The following CDK8 variants were observed in gnomAD, a reference collection of about 807,000 sequenced individuals.
CDK8 encodes cyclin dependent kinase 8, also known as cyclin-dependent kinase 8.
Under a neutral mutation model 71.5 loss-of-function variants are expected in CDK8, and 29 were observed. The ratio of observed to expected loss-of-function variants is 0.41; its 90% confidence interval spans 0.30 to 0.55. CDK8 has a LOEUF of 0.55. Among genes scored for constraint, CDK8 ranks in the 20% least tolerant of loss-of-function variants. The pLI is 0.37. For missense variants in CDK8, 288 were observed against 572.6 expected (o/e 0.50, Z 5.07); for synonymous variants, 161 against 192.1 (o/e 0.84, Z 1.34).
At chr13:26,353,589 AGTT>A in intron 3 of CDK8, 148 bp from the exon 4 acceptor site, 1 of 607,256 alleles carries the variant, frequency 1.6e-6, no homozygotes, top group South Asian at 2.4e-5. Context: ...GGAATTTTAA[AGTT>A]GTTTATGTTA....
At chr13:26,295,653 A>G (rs1207995098) in intron 1 of CDK8, among the ~76,000 whole-genome samples, 2 of 152,210 alleles carry the variant, frequency 1.3e-5, no homozygotes, top group Non-Finnish European at 2.9e-5. Flanking sequence ...CAACTAGACT[A>G]TTTAAAACTT....
chr13:26,368,207 C>T (rs1240739775), intron 4 of CDK8, among the ~76,000 whole-genome samples: 1 of 152,182 alleles, frequency 6.6e-6, no homozygotes, highest in Non-Finnish European at 1.5e-5. Flanking sequence ...TCTTGCTGCT[C>T]ACCGTTTCTG....
chr13:26,283,176 A>ATTTGTT (rs1872838185), intron 1 of CDK8, among the ~76,000 whole-genome samples: 2 of 152,264 alleles, frequency 1.3e-5, no homozygotes, highest in Admixed American at 6.5e-5. Context: ...ATGGACTTAA[A>ATTTGTT]CTATACCATA....
chr13:26,392,723 C>G (rs1875807711), intron 6 of CDK8, among the ~76,000 whole-genome samples: 1 of 152,046 alleles, frequency 6.6e-6, no homozygotes, highest in African/African-American at 2.4e-5. Context: ...CTTATGGCAT[C>G]AAGAACCACT....
intron 1 of CDK8, among the ~76,000 whole-genome samples, chr13:26,269,546 TTG>T (rs202204035): frequency 2.0e-5 from 3 of 149,918 alleles, no homozygotes; most frequent in Admixed American, 6.7e-5. Context: ...TCTCTTTAGA[TTG>T]TTTTTTTTTT....
chr13:26,325,164 C>T (rs1874962497), intron 1 of CDK8, among the ~76,000 whole-genome samples: 2 of 152,168 alleles, frequency 1.3e-5, no homozygotes, highest in Admixed American at 6.5e-5. Context: ...CAGTGCCAAG[C>T]ACAGGAACTT....
chr13:26,302,352 C>T (rs750541847), intron 1 of CDK8, among the ~76,000 whole-genome samples: 7 of 152,138 alleles, frequency 4.6e-5, no homozygotes, highest in Non-Finnish European at 8.8e-5. Flanking sequence ...AAGGGTCTTC[C>T]CAATTTTTTT....
chr13:26,300,329 C>T (rs190547837), intron 1 of CDK8, among the ~76,000 whole-genome samples: 3 of 152,068 alleles, frequency 2.0e-5, no homozygotes, highest in Non-Finnish European at 2.9e-5. Context: ...GAGTATGCAG[C>T]GTGGGTGGGC....
intron 1 of CDK8, among the ~76,000 whole-genome samples, chr13:26,304,831 T>C (rs1873972444): frequency 6.6e-6 from 1 of 151,726 alleles, no homozygotes; most frequent in Admixed American, 6.6e-5. Context: ...TTTTAAAATT[T>C]TAAATTATTA....
At chr13:26,335,687 T>A (rs1219354667) in intron 1 of CDK8, among the ~76,000 whole-genome samples, 4 of 152,142 alleles carry the variant, frequency 2.6e-5, no homozygotes, top group Non-Finnish European at 5.9e-5. Context: ...TGTCTTTAAC[T>A]TCTTCTTCCT....
At chr13:26,384,592 A>AT in intron 5 of CDK8, among the ~76,000 whole-genome samples, 1 of 152,340 alleles carries the variant, frequency 6.6e-6, no homozygotes, top group Non-Finnish European at 1.5e-5. Flanking sequence ...GCTCTGAGGT[A>AT]TGAGTATGTA....
At chr13:26,280,268 C>T (rs149039199) in intron 1 of CDK8, among the ~76,000 whole-genome samples, 1 of 152,306 alleles carries the variant, frequency 6.6e-6, no homozygotes, top group African/African-American at 2.4e-5. Flanking sequence ...TAAACCTATA[C>T]TGTAACTGAA....
chr13:26,385,629 C>T (rs976016049), intron 6 of CDK8, among the ~76,000 whole-genome samples: 1 of 151,964 alleles, frequency 6.6e-6, no homozygotes, highest in Non-Finnish European at 1.5e-5. Context: ...CCCAGCTACT[C>T]GGGAGGCTGA....
At chr13:26,293,329 A>T (rs793111) in intron 1 of CDK8, among the ~76,000 whole-genome samples, 126,239 of 152,112 alleles carry the variant, frequency 0.83, 54,046 homozygotes, top group East Asian at 0.99. Flanking sequence ...TTGGCTGGGC[A>T]TGGTGGCTCA....
At chr13:26,324,664 C>G (rs1310634577) in intron 1 of CDK8, 1 of 166,274 alleles carries the variant, frequency 6.0e-6, no homozygotes, top group Non-Finnish European at 1.2e-5. Context: ...TTAGGGTTGC[C>G]CATATCTTCT....
rs2138074822 is a variant in CDK8, at chr13:26,401,219, G to T, written c.1032-50G>T. ...TGAGAATCTCCTAAATGAAGCATTT[G>T]GAATATTGATTAGTATACCAGAAAT... On this transcript the variant is annotated intron_variant, in intron 10 of 12. Transcript: ENST00000381527. This position sits in a 1 kb window ranked among gnomAD's most constrained non-coding sequence, Gnocchi z 4.5. 7.5e-7 allele frequency: 1 copy of T among 1,331,610 alleles called. No individual in the cohort carries two copies. Among genetic ancestry groups the T allele is most frequent in the African/African-American group, 1.5e-5 (1 of 68,396 alleles). 82.5% of individuals were successfully genotyped at this position (1,331,610 alleles called of 1,614,324 possible).
At chr13:26,331,497 G>C (rs1278535927) in intron 1 of CDK8, among the ~76,000 whole-genome samples, 5 of 152,068 alleles carry the variant, frequency 3.3e-5, no homozygotes, top group Non-Finnish European at 7.4e-5. Context: ...TGAGGTCTTA[G>C]TTATAAATTC....
At chr13:26,287,212 T>A (rs1355698853) in intron 1 of CDK8, among the ~76,000 whole-genome samples, 1 of 152,168 alleles carries the variant, frequency 6.6e-6, no homozygotes, top group Non-Finnish European at 1.5e-5. Context: ...GCAGCACACT[T>A]CACAGTTGCA....
chr13:26,313,323 G>T (rs1267568543), intron 1 of CDK8, among the ~76,000 whole-genome samples: 1 of 152,028 alleles, frequency 6.6e-6, no homozygotes, highest in Non-Finnish European at 1.5e-5. Context: ...CAAGAAGGGT[G>T]GCAAAAACGA....
Sources: gnomAD v4.1 joint callset for allele counts (sites outside exome capture counted in the v4.1 genomes callset) on GRCh38, gnomAD v4.1.1 for gene constraint, Gnocchi (gnomAD v3.1) non-coding constraint, MANE v1.5 for transcripts, NCBI Gene and HGNC (gene_info 2026-07-23, HGNC 2026-07-21) for gene names.